PPFIA1: variants seen among roughly 807,000 people sequenced by gnomAD.
PPFIA1 encodes the protein liprin-alpha-1.
A neutral mutation model predicts 149.9 loss-of-function variants in PPFIA1; 25 were observed. That is an observed-to-expected ratio of 0.17 (90% confidence interval 0.12 to 0.23). The LOEUF is 0.23. Ranked by LOEUF, PPFIA1 falls within the 10% of genes least tolerant of loss-of-function variation. The pLI is 1.00. For missense variants in PPFIA1, 1,362 were observed against 1,506.5 expected, an observed-to-expected ratio of 0.90 and a Z score of 1.59; for synonymous variants, 549 against 552.8, an observed-to-expected ratio of 0.99 and a Z score of 0.10.
chr11:70,354,939 C>A (rs2056275381), intron 17 of PPFIA1, among the ~76,000 whole-genome samples: 1 of 151,586 alleles, frequency 6.6e-6, no homozygotes, highest in South Asian at 2.1e-4. Context: ...TCTATGCTAT[C>A]TTTTTTTTTC....
chr11:70,289,156 T>C (rs570517176), intron 2 of PPFIA1, among the ~76,000 whole-genome samples: 1 of 151,820 alleles, frequency 6.6e-6, no homozygotes, highest in South Asian at 2.1e-4. Flanking sequence ...ATTTTTAGTA[T>C]TGATGGGGTT....
At position 70,354,462 on chromosome 11, in the gene PPFIA1, C is replaced by T. The variant is rs201916598; in HGVS notation, c.2315+10C>T. The T allele has an allele frequency of 3.7e-6, 6 of 1,609,358 alleles. No individual in the cohort carries two copies. Among genetic ancestry groups the T allele is most frequent in the Non-Finnish European group, 5.1e-6 (6 of 1,178,328 alleles). On this transcript the variant is annotated intron_variant, in intron 17 of 27. Transcript: ENST00000253925. Reference sequence around the variant, plus strand: ...TCAGGGACATAAGGAAGTAAGGAGCCTGCAGCAGCCCCATGCAGAGCGCAC... The same window carrying T: ...TCAGGGACATAAGGAAGTAAGGAGCTTGCAGCAGCCCCATGCAGAGCGCAC...
intron 8 of PPFIA1, 49 bp from the exon 9 acceptor site, chr11:70,331,911 A>G (rs1591246023): frequency 6.4e-7 from 1 of 1,567,132 alleles, no homozygotes; most frequent in Non-Finnish European, 8.6e-7. Flanking sequence ...TTAAAAACTG[A>G]TCAGCTAGAA....
intron 7 of PPFIA1, 126 bp downstream of exon 7, chr11:70,326,944 T>G: frequency 1.3e-6 from 1 of 791,090 alleles, no homozygotes. Flanking sequence ...GATTATTGTA[T>G]AAGTTATATT....
intron 2 of PPFIA1, chr11:70,321,509 A>G (rs552877431): frequency 6.6e-6 from 1 of 152,358 alleles, no homozygotes; most frequent in East Asian, 1.9e-4. Context: ...AGTCTGGCAA[A>G]AACTGTCAAA....
At chr11:70,323,788 C>T (rs1344965983) in intron 2 of PPFIA1, among the ~76,000 whole-genome samples, 1 of 152,184 alleles carries the variant, frequency 6.6e-6, no homozygotes, top group South Asian at 2.1e-4. Flanking sequence ...TGATTACCCA[C>T]AGTAGGGATT....
rs551702936 is a variant in PPFIA1 at position 70,345,500 on chromosome 11, A to G, written c.1931+1608A>G. Among the ~76,000 whole-genome samples, 11 of 152,216 alleles carry G rather than the reference A, an allele frequency of 7.2e-5. No individual in the cohort carries two copies. The East Asian group carries it at 1.2e-3, about 16-fold the overall frequency. On this transcript the variant is annotated intron_variant, in intron 15 of 27. Transcript: ENST00000253925. ...GGATTGGATCCAGGGTGAGAAGGAA[A>G]GACAGGAGTCAGAGATGACTCCAAG...
chr11:70,284,730 C>T (rs745828888), intron 2 of PPFIA1, among the ~76,000 whole-genome samples: 9 of 152,032 alleles, frequency 5.9e-5, no homozygotes, highest in Non-Finnish European at 1.2e-4. Flanking sequence ...GCTTTCTTGG[C>T]GGTGGGGCTA....
chr11:70,304,696 T>A (rs2052729060), intron 2 of PPFIA1, among the ~76,000 whole-genome samples: 1 of 151,976 alleles, frequency 6.6e-6, no homozygotes, highest in African/African-American at 2.4e-5. Flanking sequence ...ATTGATACAC[T>A]CTCCAGCTGG....
intron 25 of PPFIA1, 55 bp downstream of exon 25, chr11:70,376,655 AT>A: frequency 2.9e-6 from 4 of 1,375,152 alleles, no homozygotes; most frequent in Non-Finnish European, 3.1e-6. Flanking sequence ...AAATGTTTAA[AT>A]GTGTGTGAAA....
intron 14 of PPFIA1, among the ~76,000 whole-genome samples, chr11:70,339,930 C>T (rs947531917): frequency 5.9e-5 from 9 of 151,990 alleles, no homozygotes; most frequent in Non-Finnish European, 7.4e-5. Flanking sequence ...GCAGAAGAAT[C>T]GCTTGAACCC....
chr11:70,290,032 C>T (rs992568619), intron 2 of PPFIA1, among the ~76,000 whole-genome samples: 9 of 152,258 alleles, frequency 5.9e-5, no homozygotes, highest in African/African-American at 1.7e-4. Context: ...TGTTCAAGAG[C>T]AGCCTGGGCA....
At chr11:70,325,403 A>G (rs2054202072) in intron 4 of PPFIA1, 97 bp from the exon 5 acceptor site, 1 of 688,740 alleles carries the variant, frequency 1.5e-6, no homozygotes, top group Non-Finnish European at 2.4e-6. Context: ...TTACACTAAT[A>G]TATACATTAA....
intron 25 of PPFIA1, 98 bp from the exon 26 acceptor site, chr11:70,377,932 A>G: frequency 1.0e-6 from 1 of 954,446 alleles, no homozygotes; most frequent in South Asian, 1.6e-5. Context: ...ACAAGAATAC[A>G]TTCTCGAGAT....
intron 16 of PPFIA1, among the ~76,000 whole-genome samples, chr11:70,349,548 T>C (rs761404282): frequency 1.1e-3 from 162 of 152,364 alleles, no homozygotes; most frequent in Non-Finnish European, 7.9e-4. Context: ...TTACACCATT[T>C]GCTTTTTAAC....
Position 70,378,164 on chromosome 11 carries a change from C to A in PPFIA1, c.3519C>A (p.Pro1173=). The change falls in exon 26 of 28, where the codon CCC becomes CCA. Residue 1173 remains proline (P), a synonymous_variant. Coordinates refer to ENST00000253925, the MANE Select transcript of PPFIA1 (RefSeq NM_003626.5). ...NFRVTSSMSS[P]SMQPKKMQMD... is the part of the protein sequence containing the mutation. ...GGGTGACTTCTTCTATGTCTTCCCC[C>A]TCTATGCAGCCAAAGAAGATGCAGA... The A allele has an allele frequency of 6.2e-7, 1 of 1,614,150 alleles. No homozygotes were observed. Among genetic ancestry groups the A allele is most frequent in the Non-Finnish European group, 8.5e-7 (1 of 1,180,024 alleles).
At chr11:70,376,039 A>T (rs2057476196) in intron 24 of PPFIA1, among the ~76,000 whole-genome samples, 1 of 150,322 alleles carries the variant, frequency 6.7e-6, no homozygotes, top group African/African-American at 2.5e-5. Context: ...CCCAGGCTGG[A>T]GTGCAATGGT....
intron 21 of PPFIA1, 55 bp from the exon 22 acceptor site, chr11:70,372,160 T>G: frequency 6.7e-7 from 1 of 1,489,524 alleles, no homozygotes; most frequent in Non-Finnish European, 9.0e-7. Context: ...AAAAATGATA[T>G]AAACTACTTT....
At chr11:70,287,262 G>A (rs370791261) in intron 2 of PPFIA1, among the ~76,000 whole-genome samples, 2 of 152,022 alleles carry the variant, frequency 1.3e-5, no homozygotes, top group African/African-American at 2.4e-5. Context: ...CTGGCCCAGC[G>A]CCTCCCTGCT....
Sources: gnomAD v4.1 joint callset for allele counts (sites outside exome capture counted in the v4.1 genomes callset) on GRCh38, gnomAD v4.1.1 for gene constraint, MANE v1.5 for transcripts, NCBI Gene and HGNC (gene_info 2026-07-23, HGNC 2026-07-21) for gene names.